PFKP: variants seen among roughly 807,000 people sequenced by gnomAD.
PFKP encodes ATP-dependent 6-phosphofructokinase, platelet type.
A neutral mutation model predicts 94.3 loss-of-function variants in PFKP; 101 were observed. That is an observed-to-expected ratio of 1.07 (90% confidence interval 0.91 to 1.26). The LOEUF is 1.26. Ranked by LOEUF, PFKP falls within the 50% of genes most tolerant of loss-of-function variation. The probability of loss-of-function intolerance (pLI) is 0.00; values close to 1 mark genes in which losing one functional copy is unlikely to be tolerated. For synonymous variants in PFKP, 573 were observed against 432.6 expected, an observed-to-expected ratio of 1.32 and a Z score of -4.03; for missense variants, 1,145 against 1,103.3, an observed-to-expected ratio of 1.04 and a Z score of -0.53.
At position 3,102,989 on chromosome 10, in the gene PFKP, C is replaced by A. The variant is rs1158412081; in HGVS notation, c.455-790C>A. On this transcript the variant is annotated intron_variant, in intron 4 of 21. Transcript: ENST00000381125. ...CTTGCCCCTGGCCCTTCAGTGGTTC[C>A]GATTCCCTTTATGCAGAACTGCCCA... Among the ~76,000 whole-genome samples the A allele has an allele frequency of 2.0e-5, 3 of 152,184 alleles. No individual in the cohort carries two copies. The East Asian group carries it at 5.8e-4, about 29-fold the overall frequency.
chr10:3,119,881 TTG>T lies in PFKP; in HGVS notation c.1531-9_1531-8del. ...CCCTCTCGCCCCACAACTCCCACGCTTGTCTGACAGGCCTACCTGGGACTCCT... is the reference window on the plus strand; with the variant it reads ...CCCTCTCGCCCCACAACTCCCACGCTTCTGACAGGCCTACCTGGGACTCCT... On this transcript the variant is annotated splice_polypyrimidine_tract_variant and intron_variant, in intron 15 of 21. Transcript: ENST00000381125. 1 of 1,613,960 alleles carries T rather than the reference TTG, an allele frequency of 6.2e-7. No homozygotes were observed.
At chr10:3,093,828 A>T (rs1287782399) in intron 2 of PFKP, among the ~76,000 whole-genome samples, 3 of 152,196 alleles carry the variant, frequency 2.0e-5, no homozygotes, top group East Asian at 1.9e-4. Flanking sequence ...TATTTTTAGT[A>T]GAGGTGGGGT....
At chr10:3,115,948 C>T (rs1441634793) in intron 13 of PFKP, among the ~76,000 whole-genome samples, 1 of 152,170 alleles carries the variant, frequency 6.6e-6, no homozygotes, top group Non-Finnish European at 1.5e-5. Flanking sequence ...CATCCACCCG[C>T]ATCTCAGCAG....
intron 2 of PFKP, among the ~76,000 whole-genome samples, chr10:3,086,415 G>C (rs951822177): frequency 4.6e-5 from 7 of 152,216 alleles, no homozygotes; most frequent in Non-Finnish European, 1.0e-4. Flanking sequence ...AACAGAGTTC[G>C]GTCCCCGACC....
chr10:3,119,773 TGATGC>T, intron 15 of PFKP, 114 bp from the exon 16 acceptor site: 2 of 638,362 alleles, frequency 3.1e-6, no homozygotes, highest in South Asian at 2.2e-5. Context: ...AGTGTTTTCG[TGATGC>T]CCCAGTGTGC....
intron 1 of PFKP, among the ~76,000 whole-genome samples, chr10:3,079,380 G>A (rs1457938645): frequency 1.3e-5 from 2 of 151,930 alleles, no homozygotes; most frequent in African/African-American, 2.4e-5. Flanking sequence ...GACTACAGGT[G>A]CCCGCCACCA....
At chr10:3,135,508 A>G (rs1286033684) in intron 20 of PFKP, among the ~76,000 whole-genome samples, 2 of 152,220 alleles carry the variant, frequency 1.3e-5, no homozygotes, top group African/African-American at 4.8e-5. Context: ...CTGGGAGGAA[A>G]AAACAAAAGC....
At chr10:3,082,244 C>A in intron 1 of PFKP, 144 bp from the exon 2 acceptor site, 3 of 505,412 alleles carry the variant, frequency 5.9e-6, no homozygotes, top group Non-Finnish European at 1.1e-5. Flanking sequence ...ACCCTAATCC[C>A]AGAGGAGTGT....
chr10:3,105,483 G>A lies in PFKP; in HGVS notation c.756G>A (p.Met252Ile), dbSNP rs148314524. 4 of 1,613,372 alleles carry A rather than the reference G, an allele frequency of 2.5e-6. No individual in the cohort carries two copies. The highest frequency in any genetic ancestry group is 1.3e-5 in the African/African-American group (1 of 75,006). Residue 252 changes from methionine (M) to isoleucine (I), a missense_variant, in exon 7 of 22, where the codon ATG becomes ATA. Physicochemically the swap from Met to Ile is conservative, Grantham distance 10. Around this residue, in one of 3 missense-constraint regions of PFKP, gnomAD observed 1,119 missense variants for 1,062.8 expected, o/e 1.05. Coordinates refer to ENST00000381125, the MANE Select transcript of PFKP (RefSeq NM_002627.5). ...SPPEEGWEEQMCVKLSENRAR... is the reference protein window; with the variant it reads ...SPPEEGWEEQICVKLSENRAR... ...CAGAGGAAGGCTGGGAGGAGCAGAT[G>A]TGTGTCAAACTCTCGGAGGTAATGC...
chr10:3,100,843 G>T (rs1834918656), intron 3 of PFKP: 1 of 667,644 alleles, frequency 1.5e-6, no homozygotes, highest in Non-Finnish European at 2.6e-6. Flanking sequence ...TCTTTAAAAG[G>T]GGCAGCGAGT....
At chr10:3,123,351 G>T (rs1274087356) in intron 16 of PFKP, among the ~76,000 whole-genome samples, 1 of 152,234 alleles carries the variant, frequency 6.6e-6, no homozygotes, top group Non-Finnish European at 1.5e-5. Flanking sequence ...GCTGCGCTTG[G>T]TCTTGAGAAT....
rs1052656877 is a variant in PFKP, at chr10:3,067,714, GC to G, written c.112+13del. ...AGCGGCGGGGATGCTCAAGGTGCGC[GC>G]CCCCCTCCCGGCGGCGAGGGAGGGA... is the stretch of plus-strand genomic sequence containing the variant. On this transcript the variant is annotated splice_region_variant and intron_variant, in intron 1 of 21. Transcript: ENST00000381125. The G allele has an allele frequency of 1.3e-4, 186 of 1,448,618 alleles. No homozygotes were observed. The highest frequency in any genetic ancestry group is 1.6e-4 in the Non-Finnish European group (176 of 1,083,604). The allele number at this position is 1,448,618 out of a possible 1,614,324, so 89.7% of individuals were successfully genotyped here. A position where few individuals can be genotyped will look rare whatever the true frequency, so the allele number is the denominator to read the frequency against.
chr10:3,107,619 A>G, intron 8 of PFKP: 1 of 374,426 alleles, frequency 2.7e-6, no homozygotes, highest in Non-Finnish European at 3.7e-6. Context: ...CTTAAACATG[A>G]GCTGCTCTGA....
At chr10:3,132,748 T>C (rs1348657113) in intron 18 of PFKP, among the ~76,000 whole-genome samples, 1 of 152,208 alleles carries the variant, frequency 6.6e-6, no homozygotes, top group Non-Finnish European at 1.5e-5. Context: ...AGGGACTGTG[T>C]CCCAAGACTG....
At chr10:3,101,768 C>A (rs1363723001) in intron 4 of PFKP, among the ~76,000 whole-genome samples, 3 of 152,216 alleles carry the variant, frequency 2.0e-5, no homozygotes, top group Non-Finnish European at 4.4e-5. Flanking sequence ...ACCCTTCGAC[C>A]TTTCACACAG....
chr10:3,126,704 T>C (rs962485919), intron 16 of PFKP, among the ~76,000 whole-genome samples: 5 of 152,274 alleles, frequency 3.3e-5, no homozygotes, highest in African/African-American at 1.2e-4. Context: ...TCTACGTTAA[T>C]GCTGTAGCAA....
At chr10:3,115,268 AGT>A (rs200067268) in intron 13 of PFKP, among the ~76,000 whole-genome samples, 4 of 71,042 alleles carry the variant, frequency 5.6e-5, no homozygotes, top group African/African-American at 1.2e-4. Flanking sequence ...CTGGGGTGAA[AGT>A]GTGTGTCCCA....
chr10:3,069,810 T>C (rs1259856460), intron 1 of PFKP, among the ~76,000 whole-genome samples: 1 of 152,218 alleles, frequency 6.6e-6, no homozygotes, highest in Admixed American at 6.5e-5. Flanking sequence ...AAAAGCTTGC[T>C]AAAATGCGCG....
intron 2 of PFKP, among the ~76,000 whole-genome samples, chr10:3,089,630 ATAT>A (rs1007587399): frequency 1.3e-5 from 2 of 150,666 alleles, no homozygotes; most frequent in African/African-American, 4.9e-5. Context: ...TTATTTTGAA[ATAT>A]TATTTTGAAT....
Sources: allele counts gnomAD v4.1 joint callset (sites outside exome capture counted in the v4.1 genomes callset), GRCh38; gene constraint gnomAD v4.1.1; regional missense constraint gnomAD v4.1.1; transcripts MANE v1.5; gene names NCBI Gene and HGNC (gene_info 2026-07-23, HGNC 2026-07-21).